Variants in LRRC4C observed in about 807,000 individuals in gnomAD.
The protein encoded by LRRC4C is leucine rich repeat containing 4C.
In LRRC4C, 5 loss-of-function variants were observed where a neutral mutation model predicts 33.6. That is an observed-to-expected ratio of 0.15 (90% CI 0.08 to 0.31). The LOEUF (loss-of-function observed/expected upper bound fraction) is 0.31, where lower values mean the gene tolerates loss of function less well. LRRC4C is among the 10% of genes least tolerant of loss of function. The pLI, the probability that LRRC4C is intolerant of heterozygous loss-of-function variation, is 1.00. For synonymous variants in LRRC4C, 329 were observed against 302.0 expected (o/e 1.09, Z -0.93); for missense variants, 560 against 796.7 (o/e 0.70, Z 3.58).
At chr11:40,355,684 T>A (rs1947624396) in intron 3 of LRRC4C, among the ~76,000 whole-genome samples, 1 of 152,144 alleles carries the variant, frequency 6.6e-6, no homozygotes, top group Non-Finnish European at 1.5e-5. Flanking sequence ...CATGCTGTGC[T>A]GCTGAGGGAT....
At chr11:40,182,399 CATAA>C (rs1361991103) in intron 5 of LRRC4C, among the ~76,000 whole-genome samples, 2 of 152,124 alleles carry the variant, frequency 1.3e-5, no homozygotes, top group Non-Finnish European at 2.9e-5. Flanking sequence ...TCAGGGTACA[CATAA>C]ACATAAAAAA....
At chr11:41,332,059 T>C (rs928539960) in intron 1 of LRRC4C, among the ~76,000 whole-genome samples, 23 of 152,184 alleles carry the variant, frequency 1.5e-4, no homozygotes, top group African/African-American at 5.3e-4. Flanking sequence ...ATCCATTCAA[T>C]GAGAGACATT....
intron 3 of LRRC4C, among the ~76,000 whole-genome samples, chr11:40,517,120 T>C (rs1222155018): frequency 6.6e-6 from 1 of 152,182 alleles, no homozygotes; most frequent in Non-Finnish European, 1.5e-5. Context: ...GTATTACCTC[T>C]GGACATTTCA....
intron 1 of LRRC4C, among the ~76,000 whole-genome samples, chr11:41,171,364 C>G (rs1944967999): frequency 6.6e-6 from 1 of 152,124 alleles, no homozygotes; most frequent in Admixed American, 6.5e-5. Context: ...CCCAAATATC[C>G]AACAATGATA....
intron 3 of LRRC4C, among the ~76,000 whole-genome samples, chr11:40,419,712 G>T (rs192731921): frequency 6.6e-6 from 1 of 152,192 alleles, no homozygotes; most frequent in Non-Finnish European, 1.5e-5. Flanking sequence ...TTCACCAATA[G>T]AGGGGAATAA....
chr11:41,442,357 TTAAG>T (rs757608724), intron 1 of LRRC4C, among the ~76,000 whole-genome samples: 1 of 151,744 alleles, frequency 6.6e-6, no homozygotes, highest in African/African-American at 2.4e-5. Flanking sequence ...TTTTCCTACA[TTAAG>T]TATTAATATG....
chr11:40,418,261 A>G (rs1317734093), intron 3 of LRRC4C, among the ~76,000 whole-genome samples: 1 of 152,212 alleles, frequency 6.6e-6, no homozygotes, highest in Non-Finnish European at 1.5e-5. Flanking sequence ...TAAAAAAATT[A>G]CAAGAAAAAA....
At chr11:41,069,950 G>C (rs770888511) in intron 1 of LRRC4C, among the ~76,000 whole-genome samples, 2 of 152,124 alleles carry the variant, frequency 1.3e-5, no homozygotes, top group Non-Finnish European at 2.9e-5. Context: ...AAAAGAGCCT[G>C]TATAACCAAG....
intron 2 of LRRC4C, among the ~76,000 whole-genome samples, chr11:40,864,779 G>C (rs978557947): frequency 2.0e-5 from 3 of 152,104 alleles, no homozygotes; most frequent in African/African-American, 7.2e-5. Flanking sequence ...CTGGACTATG[G>C]AATTTTATAG....
Position 41,455,554 on chromosome 11 carries a change from A to G in LRRC4C, c.-496+3877T>C, listed in dbSNP as rs377631152. Among the ~76,000 whole-genome samples, 5 of 152,252 alleles carry G rather than the reference A, an allele frequency of 3.3e-5. No individual in the cohort carries two copies. The East Asian group carries it at 5.8e-4, about 18-fold the overall frequency. Reference sequence around the variant, plus strand: ...AACACATTTGGAAAACGCCAAAACTATAACAACATAAATGTTAATCACTAA... The same window carrying G: ...AACACATTTGGAAAACGCCAAAACTGTAACAACATAAATGTTAATCACTAA... On this transcript the variant is annotated intron_variant, in intron 1 of 6. Coordinates refer to ENST00000528697, the MANE Select transcript of LRRC4C (RefSeq NM_001258419.2).
intron 2 of LRRC4C, among the ~76,000 whole-genome samples, chr11:40,787,767 G>A (rs1020529868): frequency 1.1e-4 from 17 of 152,152 alleles, no homozygotes; most frequent in Non-Finnish European, 1.5e-5. Context: ...AACAGGGATT[G>A]GAGCTAGCTG....
At chr11:41,090,944 G>C (rs538544744) in intron 1 of LRRC4C, among the ~76,000 whole-genome samples, 2 of 152,110 alleles carry the variant, frequency 1.3e-5, no homozygotes, top group South Asian at 4.2e-4. Flanking sequence ...CCCAGTCTCA[G>C]GCAGTTCTTT....
At chr11:40,710,238 G>A (rs879029726) in intron 2 of LRRC4C, among the ~76,000 whole-genome samples, 4 of 152,128 alleles carry the variant, frequency 2.6e-5, no homozygotes, top group South Asian at 4.1e-4. Context: ...CGTTGTTGGC[G>A]AGGAGCTCGG....
intron 2 of LRRC4C, among the ~76,000 whole-genome samples, chr11:40,804,695 G>A (rs1235179562): frequency 6.6e-6 from 1 of 152,106 alleles, no homozygotes; most frequent in Non-Finnish European, 1.5e-5. Flanking sequence ...AGCCTCCCAA[G>A]TTATTACTTT....
chr11:40,460,971 C>T (rs1450523543), intron 3 of LRRC4C, among the ~76,000 whole-genome samples: 3 of 152,114 alleles, frequency 2.0e-5, no homozygotes, highest in Non-Finnish European at 4.4e-5. Context: ...TTGCAGCAAA[C>T]TCAAATCCTA....
chr11:40,864,744 A>G (rs1954269285), intron 2 of LRRC4C, among the ~76,000 whole-genome samples: 1 of 152,188 alleles, frequency 6.6e-6, no homozygotes, highest in Non-Finnish European at 1.5e-5. Context: ...GCACTGGCAA[A>G]GGAGATATGA....
rs1168041350 is a variant in LRRC4C at position 40,341,931 on chromosome 11, C to A, written c.-269-22210G>T. Among the ~76,000 whole-genome samples the A allele has an allele frequency of 2.0e-5, 3 of 150,292 alleles. No individual in the cohort carries two copies. The East Asian group carries it at 5.9e-4, about 30-fold the overall frequency. On this transcript the variant is annotated intron_variant, in intron 3 of 6. Transcript: ENST00000528697. ...ATTACAAATATTTTTCTGTGGTTTT[C>A]TTTGTAAATCATAGCTCAGTGCTGT...
At chr11:41,090,246 G>A (rs1178074090) in intron 1 of LRRC4C, among the ~76,000 whole-genome samples, 1 of 152,028 alleles carries the variant, frequency 6.6e-6, no homozygotes, top group Non-Finnish European at 1.5e-5. Flanking sequence ...TGAGAGGAGA[G>A]AGAAACAGAG....
In LRRC4C at chr11:40,344,895, C is replaced by A. The variant is rs190633127; in HGVS notation, c.-269-25174G>T. Among the ~76,000 whole-genome samples, 328 of 152,224 alleles carry A rather than the reference C, an allele frequency of 2.2e-3. 1 individual carries two copies. Among genetic ancestry groups the A allele is most frequent in the Non-Finnish European group, 4.1e-3 (279 of 67,974 alleles). On this transcript the variant is annotated intron_variant, in intron 3 of 6. Transcript: ENST00000528697. ...GAGAGCCAAATCAAGAATGCAATCT[C>A]ATTCACAAGAGCTACAAAGAGAATA...
Sources: allele counts gnomAD v4.1 joint callset (sites outside exome capture counted in the v4.1 genomes callset), GRCh38; gene constraint gnomAD v4.1.1; transcripts MANE v1.5; gene names NCBI Gene and HGNC (gene_info 2026-07-23, HGNC 2026-07-21).